CEP85L: variants seen among roughly 807,000 people sequenced by gnomAD.
CEP85L encodes centrosomal protein 85L.
A neutral mutation model predicts 100.3 loss-of-function variants in CEP85L; 60 were observed. The observed-to-expected ratio is 0.60, with a 90% CI of 0.49 to 0.74. The LOEUF (loss-of-function observed/expected upper bound fraction) is 0.74, where lower values mean the gene tolerates loss of function less well. CEP85L is among the 30% of genes least tolerant of loss of function. The pLI is 0.00. For synonymous variants in CEP85L, 319 were observed against 322.7 expected (o/e 0.99, Z 0.12); for missense variants, 973 against 936.2 (o/e 1.04, Z -0.51).
intron 1 of CEP85L, among the ~76,000 whole-genome samples, chr6:118,659,006 A>T (rs1490950879): frequency 6.6e-6 from 1 of 152,130 alleles, no homozygotes; most frequent in Non-Finnish European, 1.5e-5. Context: ...CTAAAACTGA[A>T]CTCAGAAAAA....
intron 1 of CEP85L, among the ~76,000 whole-genome samples, chr6:118,667,295 A>G (rs1776163462): frequency 6.6e-6 from 1 of 152,244 alleles, no homozygotes; most frequent in South Asian, 2.1e-4. Flanking sequence ...CCTTAAGAAT[A>G]TAGAACTTGC....
chr6:118,600,801 T>TAA (rs35378654), intron 2 of CEP85L, among the ~76,000 whole-genome samples: 67,702 of 146,776 alleles, frequency 0.46, 15,757 homozygotes, highest in Middle Eastern at 0.56. Context: ...TTGTCTTTTT[T>TAA]AAAAAAAAAA....
intron 6 of CEP85L, among the ~76,000 whole-genome samples, chr6:118,490,504 G>C (rs1322812185): frequency 6.6e-6 from 1 of 152,210 alleles, no homozygotes; most frequent in African/African-American, 2.4e-5. Context: ...CTAGTAGTGG[G>C]AGTATTAAAT....
At chr6:118,646,898 T>A in intron 1 of CEP85L, 1 of 980,924 alleles carries the variant, frequency 1.0e-6, no homozygotes. Flanking sequence ...ATAGAGGTTA[T>A]CAACTCACCA....
chr6:118,651,883 C>T (rs1244744024), upstream of CEP85L: 42 of 985,474 alleles, frequency 4.3e-5, no homozygotes, highest in African/African-American at 8.7e-5. Context: ...TAATCCCTCA[C>T]GCCCTCCCTC....
intron 2 of CEP85L, among the ~76,000 whole-genome samples, chr6:118,585,562 C>G (rs1210668957): frequency 2.0e-5 from 3 of 152,178 alleles, no homozygotes; most frequent in African/African-American, 7.2e-5. Context: ...GGATGGGCCA[C>G]TTCTCGAGGG....
intron 2 of CEP85L, among the ~76,000 whole-genome samples, chr6:118,626,288 C>T (rs541996224): frequency 9.5e-4 from 144 of 152,240 alleles, no homozygotes; most frequent in African/African-American, 3.4e-3. Context: ...CTATAAACAG[C>T]GAGAATTTTA....
chr6:118,607,904 C>T (rs556975724), intron 2 of CEP85L, among the ~76,000 whole-genome samples: 10 of 152,222 alleles, frequency 6.6e-5, no homozygotes, highest in Admixed American at 1.3e-4. Context: ...CTTCTATGGT[C>T]GCCAGAAATA....
At chr6:118,694,749 A>G (rs967972322) in intron 1 of CEP85L, among the ~76,000 whole-genome samples, 6 of 152,238 alleles carry the variant, frequency 3.9e-5, no homozygotes, top group African/African-American at 1.4e-4. Context: ...AGTACATGAT[A>G]CAGAAAAAAA....
At chr6:118,605,783 CG>C (rs1562302688) in intron 2 of CEP85L, among the ~76,000 whole-genome samples, 2 of 152,052 alleles carry the variant, frequency 1.3e-5, no homozygotes, top group African/African-American at 2.4e-5. Context: ...GAGGCCGAGG[CG>C]GGCAGATCAC....
rs1775533868 is a variant in CEP85L at position 118,651,212 on chromosome 6, G to A, written c.58C>T (p.Arg20Cys). The change falls in exon 1 of 13, where the codon CGC becomes TGC. Residue 20 changes from arginine to cysteine, a missense_variant. Arg to Cys is a radical substitution (Grantham distance 180). Coordinates refer to ENST00000368491, the MANE Select transcript of CEP85L (RefSeq NM_001042475.3). Reference sequence around the variant, plus strand: ...CGTTCCTTACCGGCAGGGAAGCTGCGGGCTCCGCCGGGGCTATCCCGGCCG... The same window carrying A: ...CGTTCCTTACCGGCAGGGAAGCTGCAGGCTCCGCCGGGGCTATCCCGGCCG... ...ASGRDSPGGA[R>C]SFPAGPDYSS... 5 of 1,495,708 alleles carry A rather than the reference G, an allele frequency of 3.3e-6. No homozygotes were observed. Among genetic ancestry groups the A allele is most frequent in the South Asian group, 1.2e-5 (1 of 80,150 alleles). The allele number at this position is 1,495,708 out of a possible 1,614,324, so 92.7% of individuals were successfully genotyped here. A position where few individuals can be genotyped will look rare whatever the true frequency, so the allele number is the denominator to read the frequency against.
intron 1 of CEP85L, among the ~76,000 whole-genome samples, chr6:118,648,328 A>T (rs1203088705): frequency 6.6e-6 from 1 of 152,256 alleles, no homozygotes; most frequent in Non-Finnish European, 1.5e-5. Context: ...AAATGGGAAA[A>T]GCCAAATTAA....
chr6:118,556,945 G>A (rs150854388), intron 3 of CEP85L, among the ~76,000 whole-genome samples: 15 of 152,040 alleles, frequency 9.9e-5, no homozygotes, highest in African/African-American at 3.6e-4. Context: ...TCAAAGTATA[G>A]GCCCCACAGG....
chr6:118,612,769 A>G (rs1772733311), intron 2 of CEP85L, among the ~76,000 whole-genome samples: 1 of 152,000 alleles, frequency 6.6e-6, no homozygotes, highest in African/African-American at 2.4e-5. Flanking sequence ...AAAGCAGAAA[A>G]AAAGGAAGCA....
chr6:118,528,381 C>T (rs1777097790), intron 3 of CEP85L, among the ~76,000 whole-genome samples: 1 of 152,054 alleles, frequency 6.6e-6, no homozygotes, highest in African/African-American at 2.4e-5. Context: ...CATAAATATA[C>T]ACAAAACAAA....
intron 5 of CEP85L, among the ~76,000 whole-genome samples, chr6:118,492,718 T>C (rs1178969078): frequency 6.6e-6 from 1 of 152,186 alleles, no homozygotes; most frequent in Non-Finnish European, 1.5e-5. Flanking sequence ...GGCATTGTGC[T>C]AGGTGCTGGG....
chr6:118,650,610 G>C (rs1236891012), intron 1 of CEP85L, among the ~76,000 whole-genome samples: 1 of 152,150 alleles, frequency 6.6e-6, no homozygotes. Flanking sequence ...AGGTTCCTCC[G>C]AGGGGCTGAA....
intron 1 of CEP85L, among the ~76,000 whole-genome samples, chr6:118,659,381 A>G (rs1775899139): frequency 6.6e-6 from 1 of 152,340 alleles, no homozygotes; most frequent in Admixed American, 6.5e-5. Flanking sequence ...TAGACTTTAT[A>G]TTAATTAATT....
chr6:118,558,742 T>C (rs982534716), intron 3 of CEP85L: 1 of 640,182 alleles, frequency 1.6e-6, no homozygotes, highest in Non-Finnish European at 2.8e-6. Context: ...CTGAGGAAGA[T>C]GAATTAGTGT....
Sources: allele counts gnomAD v4.1 joint callset (sites outside exome capture counted in the v4.1 genomes callset), GRCh38; gene constraint gnomAD v4.1.1; transcripts MANE v1.5; gene names NCBI Gene and HGNC (gene_info 2026-07-23, HGNC 2026-07-21).